Variants in ZNF148 observed in about 807,000 individuals in gnomAD.
ZNF148 encodes zinc finger protein 148, also known as Beta-Enolase Repressor Factor-1.
Under a neutral mutation model 67.7 loss-of-function variants are expected in ZNF148, and 7 were observed. That is an observed-to-expected ratio of 0.10 (90% CI 0.06 to 0.19). The LOEUF (loss-of-function observed/expected upper bound fraction) is 0.19. Among genes scored for constraint, ZNF148 ranks in the 10% least tolerant of loss-of-function variants. The pLI is 1.00. For synonymous variants in ZNF148, 333 were observed against 330.7 expected, an observed-to-expected ratio of 1.01 and a Z score of -0.08; for missense variants, 583 against 947.1, an observed-to-expected ratio of 0.62 and a Z score of 5.05.
chr3:125,323,940 C>CA (rs1940903230), intron 2 of ZNF148, among the ~76,000 whole-genome samples: 1 of 139,924 alleles, frequency 7.1e-6, no homozygotes, highest in Non-Finnish European at 1.5e-5. Context: ...GCCTGGGCAA[C>CA]AGAGCGAGAC....
intron 2 of ZNF148, among the ~76,000 whole-genome samples, chr3:125,328,998 G>GATATATATATATATATATAT (rs10565589): frequency 6.8e-6 from 1 of 147,426 alleles, no homozygotes; most frequent in Non-Finnish European, 1.5e-5. Context: ...TTATACTACT[G>GATATATATATATATATATAT]ATATATATAT....
intron 7 of ZNF148, among the ~76,000 whole-genome samples, chr3:125,240,380 A>C (rs529629328): frequency 3.9e-5 from 6 of 152,042 alleles, no homozygotes; most frequent in Non-Finnish European, 8.8e-5. Context: ...ACTGGAGAAA[A>C]CCCATGTTTA....
intron 4 of ZNF148, among the ~76,000 whole-genome samples, chr3:125,291,022 T>C (rs1400201482): frequency 6.6e-6 from 1 of 152,084 alleles, no homozygotes; most frequent in African/African-American, 2.4e-5. Context: ...CAAATATAAA[T>C]TGTACCTAAA....
chr3:125,267,766 T>C (rs1274601296), intron 7 of ZNF148, among the ~76,000 whole-genome samples: 1 of 152,052 alleles, frequency 6.6e-6, no homozygotes, highest in Non-Finnish European at 1.5e-5. Context: ...GACATCCAAA[T>C]AGGAAAAGAG....
At chr3:125,345,529 G>A (rs574160028) in intron 1 of ZNF148, among the ~76,000 whole-genome samples, 12 of 151,390 alleles carry the variant, frequency 7.9e-5, no homozygotes, top group Non-Finnish European at 1.6e-4. Context: ...AAATAAAAGA[G>A]GAAAATAGAG....
intron 7 of ZNF148, among the ~76,000 whole-genome samples, chr3:125,246,628 A>G (rs1383464774): frequency 6.6e-6 from 1 of 152,226 alleles, no homozygotes; most frequent in East Asian, 1.9e-4. Context: ...AATGTTAGCT[A>G]TTAAGAACAG....
intron 1 of ZNF148, chr3:125,344,422 C>A: frequency 1.3e-6 from 1 of 762,942 alleles, no homozygotes; most frequent in South Asian, 1.4e-5. Flanking sequence ...GGACCCCATT[C>A]CAAAAAAAAG....
chr3:125,330,593 T>A (rs552168942), intron 2 of ZNF148, among the ~76,000 whole-genome samples: 7 of 151,952 alleles, frequency 4.6e-5, no homozygotes, highest in African/African-American at 1.7e-4. Context: ...TTTGGGAGGC[T>A]GAGGCAAGAG....
At chr3:125,360,689 G>A (rs897377697) in intron 1 of ZNF148, among the ~76,000 whole-genome samples, 4 of 151,676 alleles carry the variant, frequency 2.6e-5, no homozygotes, top group Admixed American at 1.3e-4. Context: ...TATTACACAT[G>A]AATGGTTATG....
intron 2 of ZNF148, among the ~76,000 whole-genome samples, chr3:125,324,576 C>T (rs1940938353): frequency 6.6e-6 from 1 of 152,174 alleles, no homozygotes; most frequent in Non-Finnish European, 1.5e-5. Flanking sequence ...GAATTTCCTA[C>T]CCTGGAGGTT....
chr3:125,363,320 A>G (rs1942601022), intron 1 of ZNF148, among the ~76,000 whole-genome samples: 1 of 152,242 alleles, frequency 6.6e-6, no homozygotes, highest in Non-Finnish European at 1.5e-5. Flanking sequence ...TAGTAGCTAT[A>G]TAATTATCAA....
At chr3:125,257,133 T>C (rs1288409248) in intron 7 of ZNF148, among the ~76,000 whole-genome samples, 1 of 152,226 alleles carries the variant, frequency 6.6e-6, no homozygotes, top group Non-Finnish European at 1.5e-5. Flanking sequence ...AGTTTGTTTT[T>C]ATTATCTATT....
intron 7 of ZNF148, among the ~76,000 whole-genome samples, chr3:125,270,903 G>T (rs1272993916): frequency 6.6e-6 from 1 of 152,020 alleles, no homozygotes; most frequent in Non-Finnish European, 1.5e-5. Context: ...TTTAAGTTTT[G>T]CCTACTTCTC....
At chr3:125,300,986 G>C (rs926736180) in intron 4 of ZNF148, among the ~76,000 whole-genome samples, 8 of 151,986 alleles carry the variant, frequency 5.3e-5, no homozygotes, top group African/African-American at 1.9e-4. Flanking sequence ...AATAAATTTT[G>C]TTTCTGAGTT....
At chr3:125,339,836 C>T (rs962381671) in intron 1 of ZNF148, among the ~76,000 whole-genome samples, 7 of 152,070 alleles carry the variant, frequency 4.6e-5, no homozygotes, top group Admixed American at 3.9e-4. Flanking sequence ...TCACAAAGCA[C>T]ATAATTATAT....
chr3:125,353,719 T>G (rs962231537), intron 1 of ZNF148, among the ~76,000 whole-genome samples: 1 of 151,868 alleles, frequency 6.6e-6, no homozygotes, highest in Non-Finnish European at 1.5e-5. Flanking sequence ...TCTCCCATAG[T>G]GTAGGGATTA....
intron 1 of ZNF148, among the ~76,000 whole-genome samples, chr3:125,341,991 T>A (rs891922094): frequency 1.8e-5 from 1 of 54,740 alleles, no homozygotes; most frequent in Non-Finnish European, 3.8e-5. Flanking sequence ...CCACACTCTG[T>A]TTCGGGGCGG....
intron 7 of ZNF148, among the ~76,000 whole-genome samples, chr3:125,249,523 T>C (rs1294977492): frequency 3.3e-5 from 5 of 151,942 alleles, no homozygotes; most frequent in African/African-American, 1.2e-4. Flanking sequence ...TGATAACAAG[T>C]GTTGGTGAAG....
chr3:125,326,351 A>T (rs1347648939), intron 2 of ZNF148, among the ~76,000 whole-genome samples: 1 of 152,158 alleles, frequency 6.6e-6, no homozygotes, highest in African/African-American at 2.4e-5. Flanking sequence ...ATATATACAG[A>T]TGTATATTAC....
Sources: gnomAD v4.1 joint callset for allele counts (sites outside exome capture counted in the v4.1 genomes callset) on GRCh38, gnomAD v4.1.1 for gene constraint, MANE v1.5 for transcripts, NCBI Gene and HGNC (gene_info 2026-07-23, HGNC 2026-07-21) for gene names.